Variants in EYS observed in about 807,000 individuals in gnomAD.
The protein encoded by EYS is protein eyes shut homolog.
A neutral mutation model predicts 282.1 loss-of-function variants in EYS; 250 were observed. The observed-to-expected ratio is 0.89, with a 90% confidence interval of 0.80 to 0.98. The LOEUF is 0.98. Among genes scored for constraint, EYS ranks in the 50% least tolerant of loss-of-function variants. The pLI is 0.00. For missense variants in EYS, 4,016 were observed against 3,709.0 expected, an observed-to-expected ratio of 1.08 and a Z score of -2.15; for synonymous variants, 1,355 against 1,282.9, an observed-to-expected ratio of 1.06 and a Z score of -1.20.
intron 12 of EYS, among the ~76,000 whole-genome samples, chr6:65,067,052 G>T (rs1396626152): frequency 6.6e-6 from 1 of 152,066 alleles, no homozygotes; most frequent in Non-Finnish European, 1.5e-5. Flanking sequence ...ATACTTTCAA[G>T]AATTAAGATA....
chr6:63,997,959 T>C (rs1369698171), intron 34 of EYS, among the ~76,000 whole-genome samples: 1 of 152,170 alleles, frequency 6.6e-6, no homozygotes, highest in East Asian at 1.9e-4. Flanking sequence ...TTCTACTGCT[T>C]GAATATTCCA....
At chr6:65,487,554 T>C (rs1765853108) in intron 5 of EYS, among the ~76,000 whole-genome samples, 1 of 152,186 alleles carries the variant, frequency 6.6e-6, no homozygotes, top group South Asian at 2.1e-4. Flanking sequence ...AGCTTTCTGA[T>C]GTGCTGCTGG....
At chr6:64,466,193 T>C (rs968307444) in intron 26 of EYS, among the ~76,000 whole-genome samples, 1 of 151,988 alleles carries the variant, frequency 6.6e-6, no homozygotes, top group Non-Finnish European at 1.5e-5. Flanking sequence ...TGGTATTAGG[T>C]TCCTCAAGAA....
chr6:64,450,637 C>T (rs995244455), intron 26 of EYS, among the ~76,000 whole-genome samples: 3 of 152,104 alleles, frequency 2.0e-5, no homozygotes, highest in African/African-American at 4.8e-5. Context: ...TGTAAAAGAA[C>T]AGAAATGATA....
intron 12 of EYS, among the ~76,000 whole-genome samples, chr6:65,175,410 CAG>C (rs1291977323): frequency 6.6e-6 from 1 of 151,090 alleles, no homozygotes; most frequent in East Asian, 2.0e-4. Flanking sequence ...ATAATGAAGA[CAG>C]AGAAGCACAA....
At chr6:64,495,006 T>A (rs578135376) in intron 26 of EYS, among the ~76,000 whole-genome samples, 12 of 151,848 alleles carry the variant, frequency 7.9e-5, no homozygotes, top group African/African-American at 2.9e-4. Context: ...ACTGATAAAT[T>A]CCTGTGATTT....
At chr6:64,766,649 A>AAAAAAAATATATATATAT (rs1387919586) in intron 22 of EYS, among the ~76,000 whole-genome samples, 3 of 19,068 alleles carry the variant, frequency 1.6e-4, no homozygotes, top group African/African-American at 5.5e-4. Flanking sequence ...AAAAAAAAAA[A>AAAAAAAATATATATATAT]ATATATATAT....
At chr6:65,220,663 G>T (rs1375226279) in intron 12 of EYS, among the ~76,000 whole-genome samples, 1 of 152,124 alleles carries the variant, frequency 6.6e-6, no homozygotes, top group African/African-American at 2.4e-5. Context: ...AGAGTGGGGT[G>T]CTGCTGTAAA....
intron 2 of EYS, among the ~76,000 whole-genome samples, chr6:65,545,887 A>C (rs562341344): frequency 2.6e-5 from 4 of 152,154 alleles, no homozygotes; most frequent in Non-Finnish European, 5.9e-5. Flanking sequence ...TGATTGATGA[A>C]ATAGTTACAC....
intron 2 of EYS, among the ~76,000 whole-genome samples, chr6:65,571,400 T>G (rs1764472834): frequency 6.6e-6 from 1 of 152,034 alleles, no homozygotes; most frequent in African/African-American, 2.4e-5. Context: ...ACCTTGTGAT[T>G]TAGAGTCATA....
intron 5 of EYS, among the ~76,000 whole-genome samples, chr6:65,458,747 C>T (rs1304006969): frequency 6.6e-6 from 1 of 152,082 alleles, no homozygotes; most frequent in East Asian, 1.9e-4. Flanking sequence ...GCCTACAAAG[C>T]ACATACACAC....
chr6:65,014,447 G>A (rs1771979150), intron 13 of EYS, among the ~76,000 whole-genome samples: 1 of 152,148 alleles, frequency 6.6e-6, no homozygotes, highest in Non-Finnish European at 1.5e-5. Context: ...GGGCCACTAA[G>A]ACATCTTCAG....
intron 12 of EYS, among the ~76,000 whole-genome samples, chr6:65,062,819 A>T (rs1342041102): frequency 6.6e-6 from 1 of 151,812 alleles, no homozygotes; most frequent in Non-Finnish European, 1.5e-5. Context: ...CTATCCAGTA[A>T]CTCCTCTCAC....
At chr6:65,232,708 A>G (rs1192441079) in intron 12 of EYS, among the ~76,000 whole-genome samples, 1 of 152,102 alleles carries the variant, frequency 6.6e-6, no homozygotes, top group African/African-American at 2.4e-5. Context: ...GCCTGTTTTC[A>G]TTCCCATATA....
At chr6:65,538,066 A>G (rs1198069347) in intron 2 of EYS, among the ~76,000 whole-genome samples, 1 of 152,198 alleles carries the variant, frequency 6.6e-6, no homozygotes, top group Non-Finnish European at 1.5e-5. Flanking sequence ...GCAATAAAAA[A>G]TATAACTTGA....
chr6:63,838,441 G>C (rs1771865462), intron 36 of EYS, among the ~76,000 whole-genome samples: 1 of 152,032 alleles, frequency 6.6e-6, no homozygotes, highest in Non-Finnish European at 1.5e-5. Flanking sequence ...CTTTGATCTG[G>C]GCTTCCCTAA....
At chr6:65,662,786 C>T (rs1215149637) in intron 1 of EYS, among the ~76,000 whole-genome samples, 1 of 151,820 alleles carries the variant, frequency 6.6e-6, no homozygotes, top group Non-Finnish European at 1.5e-5. Flanking sequence ...CTAAACAGTA[C>T]TATAGAGAAA....
intron 13 of EYS, among the ~76,000 whole-genome samples, chr6:65,053,751 G>C (rs1057300306): frequency 1.3e-5 from 2 of 151,950 alleles, no homozygotes; most frequent in South Asian, 4.1e-4. Context: ...GAGTATAGTC[G>C]TGTTTTTGAG....
intron 12 of EYS, among the ~76,000 whole-genome samples, chr6:65,254,828 C>G (rs1457089368): frequency 6.6e-6 from 1 of 151,836 alleles, no homozygotes; most frequent in African/African-American, 2.4e-5. Context: ...CACATTTTTA[C>G]AGCATAAAGT....
Sources: allele counts gnomAD v4.1 joint callset (sites outside exome capture counted in the v4.1 genomes callset), GRCh38; gene constraint gnomAD v4.1.1; transcripts MANE v1.5; gene names NCBI Gene and HGNC (gene_info 2026-07-23, HGNC 2026-07-21).